The following NEB variants were observed in gnomAD, a reference collection of about 807,000 sequenced individuals.
NEB encodes nemaline myopathy type 2.
A neutral mutation model predicts 952.2 loss-of-function variants in NEB; 512 were observed. The observed-to-expected ratio is 0.54, with a 90% CI of 0.50 to 0.58. The LOEUF is 0.58. Among genes scored for constraint, NEB ranks in the 20% least tolerant of loss-of-function variants. NEB has a pLI of 0.00. For synonymous variants in NEB, 2,900 were observed against 3,149.8 expected (o/e 0.92, Z 2.66); for missense variants, 8,428 against 9,231.1 (o/e 0.91, Z 3.56).
intron 29 of NEB, 49 bp from the exon 30 acceptor site, chr2:151,680,877 A>G (rs895926128): frequency 1.5e-6 from 2 of 1,363,602 alleles, no homozygotes; most frequent in Non-Finnish European, 2.1e-6. Flanking sequence ...TCCACTGAAG[A>G]TTAATACGTC....
chr2:151,731,224 G>A (rs111954480), intron 3 of NEB, among the ~76,000 whole-genome samples: 6 of 152,178 alleles, frequency 3.9e-5, no homozygotes, highest in South Asian at 2.1e-4. Context: ...TTAGAAATAC[G>A]CTTATAAAAG....
At chr2:151,496,420 G>A in intron 172 of NEB, 52 bp from the exon 173 acceptor site, 1 of 1,551,630 alleles carries the variant, frequency 6.4e-7, no homozygotes, top group South Asian at 1.2e-5. Context: ...CATTTCATTT[G>A]TTGAGAGGTT....
chr2:151,525,195 G>A lies in NEB; in HGVS notation c.22240C>T (p.His7414Tyr). ...TGCTTCTTGGCCACTTCCATAGCAT[G>A]TTTCACCTCTGGTGGCTCCAGCATG... ...SIMLEPPEVK[H>Y]AMEVAKKQSD... Residue 7414 changes from histidine (H) to tyrosine (Y), a missense_variant, in exon 151 of 182, where the codon CAT (histidine) becomes TAT (tyrosine). This residue lies in a region of NEB where 3,374 missense variants were observed against 3,651.5 expected (regional missense o/e 0.92). Coordinates refer to ENST00000397345, the MANE Select transcript of NEB (RefSeq NM_001164508.2). The A allele has an allele frequency of 6.2e-7, 1 of 1,613,878 alleles. No individual in the cohort carries two copies. The highest frequency in any genetic ancestry group is 8.5e-7 in the Non-Finnish European group (1 of 1,179,782).
intron 124 of NEB, among the ~76,000 whole-genome samples, chr2:151,555,883 A>AC (rs1277701449): frequency 6.6e-6 from 1 of 151,592 alleles, no homozygotes; most frequent in Non-Finnish European, 1.5e-5. Context: ...AAAAAAAAAA[A>AC]AACACATACA....
At chr2:151,648,088 G>T (rs2098983377) in intron 54 of NEB, among the ~76,000 whole-genome samples, 1 of 152,104 alleles carries the variant, frequency 6.6e-6, no homozygotes, top group Non-Finnish European at 1.5e-5. Flanking sequence ...AGCAAATGTG[G>T]TAAAATTTTA....
At position 151,612,235 on chromosome 2, in the gene NEB, T is replaced by A; in HGVS notation, c.11756A>T (p.Asp3919Val). 1 of 1,613,842 alleles carries A rather than the reference T, an allele frequency of 6.2e-7. No individual in the cohort carries two copies. The highest frequency in any genetic ancestry group is 8.5e-7 in the Non-Finnish European group (1 of 1,179,828). The part of the protein sequence containing the change: ...ADQLKFTCIT[D>V]TPEIVLAKNN... ...CTTTGCTAGGACAATTTCCGGAGTG[T>A]CGGTAATGCATGTGAATTTGAGCTG... The change falls in exon 78 of 182, where the codon GAC (aspartate) becomes GTC (valine). Residue 3919 changes from aspartate (D) to valine (V), a missense_variant. Transcript: ENST00000397345.
Position 151,650,900 on chromosome 2 carries a change from AAC to A in NEB, c.6916-17_6916-16del, listed in dbSNP as rs746447333. 11 of 1,591,302 alleles carry A rather than the reference AAC, an allele frequency of 6.9e-6. No individual in the cohort carries two copies. The highest frequency in any genetic ancestry group is 3.4e-5 in the South Asian group (3 of 87,072). ...TTGTATTTATACTGAAATCAGAGAA[AAC>A]ACAGCTCTTTTAGTACACAAAGGCC... On this transcript the variant is annotated splice_polypyrimidine_tract_variant and intron_variant, in intron 52 of 181. Transcript: ENST00000397345.
rs2096580512 is a variant in NEB, at chr2:151,570,348, C to T, written c.17163G>A (p.Val5721=). 1 of 1,598,136 alleles carries T rather than the reference C, an allele frequency of 6.3e-7. No homozygotes were observed. The highest frequency in any genetic ancestry group is 8.5e-7 in the Non-Finnish European group (1 of 1,170,714). The part of the protein sequence containing the change: ...LDHEKQKGHY[V]GTLTARDDNK... ...TGTCATCCCTGGCTGTGAGGGTGCC[C>T]ACGTAGTGTCCCTTCTGCTTCTCAT... The change falls in exon 109 of 182, where the codon GTG becomes GTA. Residue 5721 remains valine, a synonymous_variant. Transcript: ENST00000397345.
chr2:151,629,675 C>T, intron 67 of NEB, 29 bp from the exon 68 acceptor site: 1 of 1,576,090 alleles, frequency 6.3e-7, no homozygotes, highest in Non-Finnish European at 8.7e-7. Context: ...AGAGTTAAAG[C>T]AAAAGGTTTG....
intron 160 of NEB, 21 bp from the exon 161 acceptor site, chr2:151,512,858 G>A: frequency 9.1e-6 from 14 of 1,532,606 alleles, no homozygotes; most frequent in Non-Finnish European, 1.3e-5. Context: ...ACACCGAATA[G>A]TTGGGTAAAT....
Position 151,548,343 on chromosome 2 carries a change from C to T in NEB, c.20122G>A (p.Val6708Ile). The T allele has an allele frequency of 6.2e-7, 1 of 1,613,678 alleles. No individual in the cohort carries two copies. The highest frequency in any genetic ancestry group is 8.5e-7 in the Non-Finnish European group (1 of 1,179,686). ...YTLGPKDVPF[V>I]HVRRVNNVTS... ...ACATTGTTGACTCTCCGGACGTGGA[C>T]AAATGGAACATCTTTGGGGCCAAGT... is the stretch of plus-strand genomic sequence containing the variant. Residue 6708 changes from valine to isoleucine, a missense_variant, in exon 131 of 182, where the codon GTC (valine) becomes ATC (isoleucine). Physicochemically the swap from Val to Ile is conservative, Grantham distance 29 (BLOSUM62 3). This residue lies in a region of NEB where 3,374 missense variants were observed against 3,651.5 expected (regional missense o/e 0.92). Transcript: ENST00000397345.
chr2:151,514,824 T>A lies in NEB; in HGVS notation c.23010A>T (p.Ala7670=), dbSNP rs2076734268. 1 of 1,569,052 alleles carries A rather than the reference T, an allele frequency of 6.4e-7. No individual in the cohort carries two copies. Among genetic ancestry groups the A allele is most frequent in the Non-Finnish European group, 8.7e-7 (1 of 1,155,418 alleles). ...LLHVKYATKI[A]SEKEYRKDLE... ...AAGACCAAGTGGGCACTACCTCGCT[T>A]GCTATTTTAGTTGCATATTTGACAT... The change falls in exon 158 of 182, where the codon GCA becomes GCT. Residue 7670 remains alanine (A), a synonymous_variant. Transcript: ENST00000397345.
Position 151,636,313 on chromosome 2 carries a change from C to T in NEB, c.9016G>A (p.Glu3006Lys), listed in dbSNP as rs764771513. The part of the protein sequence containing the change: ...YSESLYKLAN[E>K]EAKKKGYDLR... ...TCATAGCCTTTCTTCTTTGCTTCTTCATTAGCAAGTTTGTACAGACTCTAA... is the reference window on the plus strand; with the variant it reads ...TCATAGCCTTTCTTCTTTGCTTCTTTATTAGCAAGTTTGTACAGACTCTAA... The change falls in exon 64 of 182, where the codon GAA becomes AAA. Residue 3006 changes from glutamate to lysine, a missense_variant. Physicochemically the swap from Glu to Lys is moderately conservative, Grantham distance 56. This residue lies in a region of NEB where 1,772 missense variants were observed against 1,960.3 expected (regional missense o/e 0.90). Coordinates refer to ENST00000397345, the MANE Select transcript of NEB (RefSeq NM_001164508.2). 42 of 1,607,438 alleles carry T rather than the reference C, an allele frequency of 2.6e-5. No homozygotes were observed. Among genetic ancestry groups the T allele is most frequent in the Non-Finnish European group, 3.5e-5 (41 of 1,179,552 alleles).
intron 161 of NEB, among the ~76,000 whole-genome samples, chr2:151,510,172 C>T (rs1406203902): frequency 6.6e-6 from 1 of 152,122 alleles, no homozygotes; most frequent in African/African-American, 2.4e-5. Flanking sequence ...ATGTTGTCTC[C>T]TGCTAAATCA....
chr2:151,705,109 A>G (rs2099699799), intron 13 of NEB, among the ~76,000 whole-genome samples: 1 of 152,054 alleles, frequency 6.6e-6, no homozygotes. Flanking sequence ...AGAAATACGC[A>G]ATCTCCCTCC....
intron 29 of NEB, 105 bp from the exon 30 acceptor site, chr2:151,680,933 T>C (rs1016301314): frequency 1.2e-5 from 11 of 952,332 alleles, no homozygotes; most frequent in Non-Finnish European, 1.9e-5. Context: ...GAGTTTTTCA[T>C]GATTTTAAAA....
intron 107 of NEB, among the ~76,000 whole-genome samples, chr2:151,573,276 T>A (rs1444222757): frequency 6.6e-6 from 1 of 152,228 alleles, no homozygotes; most frequent in African/African-American, 2.4e-5. Context: ...AATTTTACTT[T>A]TAGCATAATT....
intron 128 of NEB, among the ~76,000 whole-genome samples, chr2:151,552,139 G>T (rs927322189): frequency 1.3e-5 from 2 of 152,216 alleles, no homozygotes; most frequent in Non-Finnish European, 2.9e-5. Flanking sequence ...AACCTGTGGA[G>T]TTAATAAAGA....
intron 13 of NEB, among the ~76,000 whole-genome samples, chr2:151,700,358 G>T (rs2099637729): frequency 1.4e-5 from 1 of 72,606 alleles, no homozygotes; most frequent in African/African-American, 5.8e-5. Context: ...CTCTTTTTTG[G>T]TTCCATATGA....
Sources: allele counts gnomAD v4.1 joint callset (sites outside exome capture counted in the v4.1 genomes callset), GRCh38; gene constraint gnomAD v4.1.1; regional missense constraint gnomAD v4.1.1; transcripts MANE v1.5; gene names NCBI Gene and HGNC (gene_info 2026-07-23, HGNC 2026-07-21).